Variants in MYO9B observed in about 807,000 individuals in gnomAD.
MYO9B encodes the protein myosin IXB.
Under a neutral mutation model 229.5 loss-of-function variants are expected in MYO9B, and 71 were observed. The ratio of observed to expected loss-of-function variants is 0.31; its 90% CI spans 0.26 to 0.38. The LOEUF (loss-of-function observed/expected upper bound fraction) is 0.38, where lower values mean the gene tolerates loss of function less well. MYO9B is among the 10% of genes least tolerant of loss of function. The probability of loss-of-function intolerance (pLI) is 1.00; values close to 1 mark genes in which losing one functional copy is unlikely to be tolerated. For synonymous variants in MYO9B, 1,185 were observed against 1,235.8 expected (o/e 0.96, Z 0.86); for missense variants, 2,255 against 2,920.5 (o/e 0.77, Z 5.25).
At chr19:17,153,925 G>T in intron 4 of MYO9B, 42 bp from the exon 5 acceptor site, 2 of 1,483,360 alleles carry the variant, frequency 1.3e-6, no homozygotes, top group Non-Finnish European at 1.9e-6. Context: ...CTATTACTTG[G>T]CCTCCAAAAA....
chr19:17,205,999 G>T lies in MYO9B; in HGVS notation c.5104G>T (p.Val1702Leu). The T allele has an allele frequency of 6.3e-7, 1 of 1,599,600 alleles. No individual in the cohort carries two copies. The highest frequency in any genetic ancestry group is 1.1e-5 in the South Asian group (1 of 89,974). The change falls in exon 32 of 40, where the codon GTA (valine) becomes TTA (leucine). Residue 1702 changes from valine (V) to leucine (L), a missense_variant. By Grantham distance (32) the Val-to-Leu change is conservative. Around this residue, in one of 7 missense-constraint regions of MYO9B, gnomAD observed 416 missense variants for 605.5 expected, o/e 0.69. Transcript: ENST00000682292. The part of the protein sequence containing the change: ...GVEPGHFGVC[V>L]DSLTSDKASV... ...TGAGCCTGGCCACTTCGGCGTGTGC[G>T]TAGACAGCCTGACCAGCGACAAGGC... is the stretch of plus-strand genomic sequence containing the variant.
intron 16 of MYO9B, chr19:17,184,472 C>T (rs1025560633): frequency 2.7e-5 from 5 of 185,378 alleles, no homozygotes; most frequent in East Asian, 1.4e-4. Context: ...GTGGCCTGTC[C>T]GATGAGCTCA....
In MYO9B at chr19:17,172,235, G is replaced by A; in HGVS notation, c.1794-101G>A. ...CACTTCACTGCTCTGCCCACCCCAT[G>A]CACCCACCCACCTCGTGCACCAGGG... On this transcript the variant is annotated intron_variant, in intron 11 of 39. Transcript: ENST00000682292. This position sits in a 1 kb window ranked among gnomAD's most constrained non-coding sequence, Gnocchi z 8.2. The A allele has an allele frequency of 8.4e-7, 1 of 1,185,978 alleles. No homozygotes were observed. The highest frequency in any genetic ancestry group is 1.2e-6 in the Non-Finnish European group (1 of 847,716). 73.5% of individuals were successfully genotyped at this position (1,185,978 alleles called of 1,614,324 possible).
chr19:17,175,699 A>T lies in MYO9B; in HGVS notation c.2177A>T (p.Glu726Val). 1.3e-6 allele frequency: 2 copies of T among 1,575,026 alleles called. No homozygotes were observed. The highest frequency in any genetic ancestry group is 1.7e-6 in the Non-Finnish European group (2 of 1,160,716). ...SSPGAQSHPEELPRGASTPSE... is the reference protein window; with the variant it reads ...SSPGAQSHPEVLPRGASTPSE... ...CCTGGTGCCCAAAGTCACCCAGAAGAGCTGCCAAGAGGAGCCAGCACCCCT... is the reference window on the plus strand; with the variant it reads ...CCTGGTGCCCAAAGTCACCCAGAAGTGCTGCCAAGAGGAGCCAGCACCCCT... The change falls in exon 14 of 40, where the codon GAG becomes GTG. Residue 726 changes from glutamate (E) to valine (V), a missense_variant. By Grantham distance (121) the Glu-to-Val change is moderately radical. Coordinates refer to ENST00000682292, the MANE Select transcript of MYO9B (RefSeq NM_004145.4).
intron 24 of MYO9B, 107 bp downstream of exon 24, chr19:17,198,415 C>T (rs2073070814): frequency 6.8e-6 from 10 of 1,468,130 alleles, no homozygotes; most frequent in African/African-American, 2.8e-5. Context: ...TTACAAAGCA[C>T]GTTCGCAAAG....
At position 17,157,124 on chromosome 19, in the gene MYO9B, C is replaced by T; in HGVS notation, c.1329+86C>T. On this transcript the variant is annotated intron_variant, in intron 7 of 39. Coordinates refer to ENST00000682292, the MANE Select transcript of MYO9B (RefSeq NM_004145.4). ...GTACGAGGGACCATACCCAGAACTT[C>T]CTACGTCAGCTGAGGTTTCATCAAC... 5 of 1,476,088 alleles carry T rather than the reference C, an allele frequency of 3.4e-6. No homozygotes were observed. The South Asian group carries it at 6.8e-5, about 20-fold the overall frequency. 91.4% of individuals were successfully genotyped at this position (1,476,088 alleles called of 1,614,324 possible).
At chr19:17,185,564 A>AC (rs1568291433) in intron 17 of MYO9B, among the ~76,000 whole-genome samples, 2 of 150,660 alleles carry the variant, frequency 1.3e-5, no homozygotes, top group African/African-American at 4.9e-5. Flanking sequence ...AAAAAACAAA[A>AC]CAAAACAAAA....
At chr19:17,192,313 G>A (rs1029817380) in intron 20 of MYO9B, among the ~76,000 whole-genome samples, 1 of 147,530 alleles carries the variant, frequency 6.8e-6, no homozygotes, top group East Asian at 2.0e-4. Flanking sequence ...GGGGGCCACA[G>A]CCAGGTGCAG....
intron 2 of MYO9B, among the ~76,000 whole-genome samples, chr19:17,129,856 C>T (rs1397062741): frequency 6.6e-6 from 1 of 152,088 alleles, no homozygotes; most frequent in Non-Finnish European, 1.5e-5. Context: ...AACTCTGTTG[C>T]CCAGGCTGGA....
chr19:17,170,365 A>G (rs1311473481), intron 11 of MYO9B, among the ~76,000 whole-genome samples: 4 of 152,078 alleles, frequency 2.6e-5, no homozygotes, highest in African/African-American at 9.7e-5. Flanking sequence ...CAGCAGCTCT[A>G]TCAGACCCAT....
At chr19:17,198,091 G>C in intron 23 of MYO9B, 93 bp from the exon 24 acceptor site, 2 of 1,528,780 alleles carry the variant, frequency 1.3e-6, no homozygotes, top group Non-Finnish European at 1.8e-6. Flanking sequence ...AAGTGAGGTC[G>C]GTGGATGGAG....
At chr19:17,083,972 T>C (rs1300676974) in intron 1 of MYO9B, among the ~76,000 whole-genome samples, 9 of 151,524 alleles carry the variant, frequency 5.9e-5, no homozygotes, top group Non-Finnish European at 1.3e-4. Flanking sequence ...ATACACAAAG[T>C]GAATGGGGAA....
At chr19:17,167,779 C>T in intron 10 of MYO9B, 164 bp from the exon 11 acceptor site, 1 of 902,948 alleles carries the variant, frequency 1.1e-6, no homozygotes, top group Non-Finnish European at 1.6e-6. Flanking sequence ...GTGCCCAGCC[C>T]TATTAGAGTT....
At chr19:17,116,879 C>T (rs1022435513) in intron 2 of MYO9B, among the ~76,000 whole-genome samples, 2 of 152,156 alleles carry the variant, frequency 1.3e-5, no homozygotes, top group Non-Finnish European at 2.9e-5. Flanking sequence ...ACTCCCTCGG[C>T]TTCATTTCTG....
chr19:17,164,184 C>A (rs1180705041), intron 10 of MYO9B, among the ~76,000 whole-genome samples: 1 of 152,098 alleles, frequency 6.6e-6, no homozygotes, highest in Non-Finnish European at 1.5e-5. Flanking sequence ...GGTGAACTTG[C>A]CCCAGAATTT....
intron 11 of MYO9B, among the ~76,000 whole-genome samples, chr19:17,169,802 C>CTTTTTTTTTTTTTTT (rs762583073): frequency 9.4e-6 from 1 of 106,592 alleles, no homozygotes; most frequent in African/African-American, 4.1e-5. Flanking sequence ...CTGTCTCCTC[C>CTTTTTTTTTTTTTTT]TTTTTTTTTT....
chr19:17,134,750 C>T (rs1193826150), intron 2 of MYO9B, among the ~76,000 whole-genome samples: 2 of 151,762 alleles, frequency 1.3e-5, no homozygotes, highest in African/African-American at 4.8e-5. Flanking sequence ...GTTTCTTTAT[C>T]CATTCATCTG....
At chr19:17,202,341 C>G (rs1568300636) in intron 28 of MYO9B, 38 bp downstream of exon 28, 4 of 1,524,076 alleles carry the variant, frequency 2.6e-6, no homozygotes, top group Non-Finnish European at 3.5e-6. Flanking sequence ...CTGTGACATG[C>G]CACGCCTACC....
At chr19:17,182,070 CTT>C (rs765799238) in intron 15 of MYO9B, among the ~76,000 whole-genome samples, 2 of 142,280 alleles carry the variant, frequency 1.4e-5, no homozygotes, top group African/African-American at 2.6e-5. Flanking sequence ...ATTCACCGCC[CTT>C]TTTTTTTTTT....
Sources: gnomAD v4.1 joint callset for allele counts (sites outside exome capture counted in the v4.1 genomes callset) on GRCh38, gnomAD v4.1.1 for gene constraint, gnomAD v4.1.1 regional missense constraint, Gnocchi (gnomAD v3.1) non-coding constraint, MANE v1.5 for transcripts, NCBI Gene and HGNC (gene_info 2026-07-23, HGNC 2026-07-21) for gene names.